The following PACS2 variants were observed in gnomAD, a reference collection of about 807,000 sequenced individuals.
PACS2 encodes the protein phosphofurin acidic cluster sorting protein 2, also known as PACS1-like protein.
A neutral mutation model predicts 113.0 loss-of-function variants in PACS2; 36 were observed. That is an observed-to-expected ratio of 0.32 (90% confidence interval 0.24 to 0.42). The LOEUF is 0.42. PACS2 is among the 10% of genes least tolerant of loss of function. The pLI is 1.00. For synonymous variants in PACS2, 589 were observed against 536.1 expected (o/e 1.10, Z -1.36); for missense variants, 1,015 against 1,239.5 (o/e 0.82, Z 2.72).
chr14:105,342,226 CTGCCTG>C (rs2059754106), intron 1 of PACS2, among the ~76,000 whole-genome samples: 1 of 146,786 alleles, frequency 6.8e-6, no homozygotes, highest in Non-Finnish European at 1.5e-5. Flanking sequence ...ATCCAAGCTG[CTGCCTG>C]TGTGTGTGTG....
At position 105,355,046 on chromosome 14, in the gene PACS2, C is replaced by G; in HGVS notation, c.298-6C>G. 1 of 1,612,484 alleles carries G rather than the reference C, an allele frequency of 6.2e-7. No homozygotes were observed. The highest frequency in any genetic ancestry group is 1.1e-5 in the South Asian group (1 of 90,914). ...CCTCAGCTGCCACTCGCACTTGTGC[C>G]CACAGTATCCTCACTTCTTGAAGAG... On this transcript the variant is annotated splice_polypyrimidine_tract_variant and splice_region_variant and intron_variant, in intron 3 of 24. Coordinates refer to ENST00000447393, the MANE Select transcript of PACS2 (RefSeq NM_001100913.3). The surrounding 1 kb of genome is among the most constrained non-coding windows in gnomAD (Gnocchi z 4.1).
In PACS2 at chr14:105,384,867, C is replaced by G. The variant is rs1555413168; in HGVS notation, c.1892-12C>G. 6 of 1,538,376 alleles carry G rather than the reference C, an allele frequency of 3.9e-6. No individual in the cohort carries two copies. The highest frequency in any genetic ancestry group is 5.3e-6 in the Non-Finnish European group (6 of 1,129,860). ...CACCAGCCTAACCCCCCACCGCCTC[C>G]TCCCCCTGCAGTACAGGACACGCCA... On this transcript the variant is annotated splice_polypyrimidine_tract_variant and intron_variant, in intron 17 of 24. Coordinates refer to ENST00000447393, the MANE Select transcript of PACS2 (RefSeq NM_001100913.3).
At chr14:105,337,361 G>A (rs115612687) in intron 1 of PACS2, among the ~76,000 whole-genome samples, 2,293 of 152,326 alleles carry the variant, frequency 0.015, 58 homozygotes, top group African/African-American at 0.05. Flanking sequence ...ATGGATGGCG[G>A]TGAGGGCTGC....
chr14:105,372,526 A>G (rs781949345), intron 8 of PACS2: 2 of 152,234 alleles, frequency 1.3e-5, no homozygotes, highest in Non-Finnish European at 2.9e-5. Flanking sequence ...TACACCTAAA[A>G]ATAGATAAAA....
intron 1 of PACS2, among the ~76,000 whole-genome samples, chr14:105,308,774 C>T (rs2058264867): frequency 1.3e-5 from 2 of 151,970 alleles, no homozygotes; most frequent in Non-Finnish European, 2.9e-5. Context: ...AGCCACTGTG[C>T]CCAGCCATGA....
intron 8 of PACS2, among the ~76,000 whole-genome samples, chr14:105,373,981 G>A (rs1194677034): frequency 2.0e-5 from 3 of 151,758 alleles, no homozygotes; most frequent in African/African-American, 7.3e-5. Context: ...GTGAAATCCC[G>A]TCTCTACTAA....
In PACS2 at chr14:105,348,761, C is replaced by T. The variant is rs587626138; in HGVS notation, c.207+181C>T. The T allele has an allele frequency of 2.6e-4, 153 of 590,724 alleles. No individual in the cohort carries two copies. The Middle Eastern group carries it at 2.6e-3, about 10-fold the overall frequency. The allele number at this position is 590,724 out of a possible 1,614,324, so 36.6% of individuals were successfully genotyped here. A position where few individuals can be genotyped will look rare whatever the true frequency, so the allele number is the denominator to read the frequency against. ...GATGCTCCTGGGTCCAGTCCTGTCC[C>T]GCACAAGGGAGGCAGGCCCGGCCTT... On this transcript the variant is annotated intron_variant, in intron 2 of 24. Coordinates refer to ENST00000447393, the MANE Select transcript of PACS2 (RefSeq NM_001100913.3). This position sits in a 1 kb window ranked among gnomAD's most constrained non-coding sequence, Gnocchi z 6.4.
At position 105,361,716 on chromosome 14, in the gene PACS2, A is replaced by G. The variant is rs1195491121; in HGVS notation, c.424-5497A>G. Among the ~76,000 whole-genome samples, 4 of 152,144 alleles carry G rather than the reference A, an allele frequency of 2.6e-5. No individual in the cohort carries two copies. In the East Asian group the frequency reaches 5.8e-4, roughly 22 times the overall value. ...GGTAATCCCAGCACTTTGGGAGGCCAAGGCGGGCAGGTCACCTGAGGTCGG... is the reference window on the plus strand; with the variant it reads ...GGTAATCCCAGCACTTTGGGAGGCCGAGGCGGGCAGGTCACCTGAGGTCGG... On this transcript the variant is annotated intron_variant, in intron 4 of 24. Coordinates refer to ENST00000447393, the MANE Select transcript of PACS2 (RefSeq NM_001100913.3).
intron 1 of PACS2, among the ~76,000 whole-genome samples, chr14:105,345,906 C>T (rs1038629381): frequency 1.3e-5 from 2 of 152,202 alleles, no homozygotes; most frequent in African/African-American, 2.4e-5. Flanking sequence ...GCTGGAGGAG[C>T]GCCCCCTCAG....
chr14:105,307,794 G>C (rs925466744), intron 1 of PACS2, among the ~76,000 whole-genome samples: 6 of 152,208 alleles, frequency 3.9e-5, no homozygotes, highest in Non-Finnish European at 2.9e-5. Flanking sequence ...CATGTGTCTG[G>C]TAGACAGACT....
chr14:105,361,129 C>T (rs1414182792), intron 4 of PACS2, among the ~76,000 whole-genome samples: 1 of 152,234 alleles, frequency 6.6e-6, no homozygotes, highest in Non-Finnish European at 1.5e-5. Context: ...ATCCACTTCT[C>T]CCAAATTCCT....
In PACS2 at chr14:105,324,614, G is replaced by A. The variant is rs994642144; in HGVS notation, c.119+9577G>A. Among the ~76,000 whole-genome samples the A allele has an allele frequency of 6.6e-6, 1 of 152,214 alleles. No individual in the cohort carries two copies. Among genetic ancestry groups the A allele is most frequent in the African/African-American group, 2.4e-5 (1 of 41,452 alleles). ...CGCCGATGTGTGCTCAGCTCAGGCC[G>A]ACTTAGCAGGGTTGTGAGAGTGATG... is the stretch of plus-strand genomic sequence containing the variant. On this transcript the variant is annotated intron_variant, in intron 1 of 24. Coordinates refer to ENST00000447393, the MANE Select transcript of PACS2 (RefSeq NM_001100913.3). The surrounding 1 kb of genome is among the most constrained non-coding windows in gnomAD (Gnocchi z 4.7).
chr14:105,389,710 G>A lies in PACS2; in HGVS notation c.2034-251G>A. 3.6e-6 allele frequency: 2 copies of A among 558,526 alleles called. 1 individual carries two copies. Among genetic ancestry groups the A allele is most frequent in the South Asian group, 4.2e-5 (2 of 48,142 alleles). The allele number at this position is 558,526 out of a possible 1,614,324, so 34.6% of individuals were successfully genotyped here. A position where few individuals can be genotyped will look rare whatever the true frequency, so the allele number is the denominator to read the frequency against. On this transcript the variant is annotated intron_variant, in intron 19 of 24. Coordinates refer to ENST00000447393, the MANE Select transcript of PACS2 (RefSeq NM_001100913.3). ...GTCCTCCTGACCATGGGTGCACAGA[G>A]ACCCCTTTGTCCTTCCAGCATGTCA...
intron 22 of PACS2, 113 bp from the exon 23 acceptor site, chr14:105,392,505 TG>T: frequency 2.3e-6 from 2 of 887,124 alleles, no homozygotes; most frequent in Non-Finnish European, 3.5e-6. Flanking sequence ...CCTCCTCTGC[TG>T]GCAAGTTGGC....
chr14:105,336,072 C>T (rs979333311), intron 1 of PACS2, among the ~76,000 whole-genome samples: 2 of 152,230 alleles, frequency 1.3e-5, no homozygotes, highest in African/African-American at 2.4e-5. Context: ...GCTGCCGCCA[C>T]AGGCCCCCAG....
rs987321635 is a variant in PACS2 at position 105,324,004 on chromosome 14, A to G, written c.119+8967A>G. ...CTGGCAGCTCTGTCCTGCTGTCAACACTGGAGTCACATGTCAGTGGGTCTC... is the reference window on the plus strand; with the variant it reads ...CTGGCAGCTCTGTCCTGCTGTCAACGCTGGAGTCACATGTCAGTGGGTCTC... On this transcript the variant is annotated intron_variant, in intron 1 of 24. Coordinates refer to ENST00000447393, the MANE Select transcript of PACS2 (RefSeq NM_001100913.3). This position sits in a 1 kb window ranked among gnomAD's most constrained non-coding sequence, Gnocchi z 4.7. Among the ~76,000 whole-genome samples, 1 of 152,192 alleles carries G rather than the reference A, an allele frequency of 6.6e-6. No homozygotes were observed. The highest frequency in any genetic ancestry group is 1.5e-5 in the Non-Finnish European group (1 of 68,036).
chr14:105,373,552 T>G (rs887492123), intron 8 of PACS2, among the ~76,000 whole-genome samples: 1 of 152,372 alleles, frequency 6.6e-6, no homozygotes, highest in South Asian at 2.1e-4. Flanking sequence ...GGCACATGCC[T>G]GTAACCCCAG....
chr14:105,365,522 G>A lies in PACS2; in HGVS notation c.424-1691G>A, dbSNP rs2060915297. On this transcript the variant is annotated intron_variant, in intron 4 of 24. Transcript: ENST00000447393. The surrounding 1 kb of genome is among the most constrained non-coding windows in gnomAD (Gnocchi z 5.1). Reference sequence around the variant, plus strand: ...CCCGGCAAAAGCATCTTTGATAAGAGGCCCCATTCCTTCCTGCCCTCCCAC... The same window carrying A: ...CCCGGCAAAAGCATCTTTGATAAGAAGCCCCATTCCTTCCTGCCCTCCCAC... Among the ~76,000 whole-genome samples, 1 of 152,126 alleles carries A rather than the reference G, an allele frequency of 6.6e-6. No homozygotes were observed. Among genetic ancestry groups the A allele is most frequent in the African/African-American group, 2.4e-5 (1 of 41,430 alleles).
chr14:105,340,788 T>A lies in PACS2; in HGVS notation c.120-7705T>A, dbSNP rs2059692948. 6.6e-6 allele frequency among the ~76,000 whole-genome samples: 1 copy of A among 152,222 alleles called. No homozygotes were observed. Among genetic ancestry groups the A allele is most frequent in the African/African-American group, 2.4e-5 (1 of 41,456 alleles). On this transcript the variant is annotated intron_variant, in intron 1 of 24. Transcript: ENST00000447393. The surrounding 1 kb of genome is among the most constrained non-coding windows in gnomAD (Gnocchi z 4.2). ...CATGGTCCAGGGCTGGCCAGGGGCA[T>A]CTCCTGTCCTGGCTTGGCTTCTGCC...
Sources: allele counts gnomAD v4.1 joint callset (sites outside exome capture counted in the v4.1 genomes callset), GRCh38; gene constraint gnomAD v4.1.1; non-coding constraint Gnocchi (gnomAD v3.1); transcripts MANE v1.5; gene names NCBI Gene and HGNC (gene_info 2026-07-23, HGNC 2026-07-21).